Variants in CALCR observed in about 807,000 individuals in gnomAD.
CALCR encodes calcitonin receptor.
In CALCR, 47 loss-of-function variants were observed where a neutral mutation model predicts 59.5. The ratio of observed to expected loss-of-function variants is 0.79; its 90% CI spans 0.63 to 1.01. The LOEUF (loss-of-function observed/expected upper bound fraction) is 1.01, where lower values mean the gene tolerates loss of function less well. Ranked by LOEUF, CALCR falls within the 50% of genes least tolerant of loss-of-function variation. The pLI is 0.00. For missense variants in CALCR, 566 were observed against 597.1 expected (o/e 0.95, Z 0.54); for synonymous variants, 213 against 211.3 (o/e 1.01, Z -0.07).
chr7:93,518,594 A>G (rs957609706), intron 2 of CALCR, among the ~76,000 whole-genome samples: 3 of 151,902 alleles, frequency 2.0e-5, no homozygotes, highest in African/African-American at 7.2e-5. Flanking sequence ...TTGAAGGGCA[A>G]TATCTACAAA....
intron 2 of CALCR, among the ~76,000 whole-genome samples, chr7:93,522,166 T>C (rs537040233): frequency 6.6e-6 from 1 of 152,298 alleles, no homozygotes; most frequent in East Asian, 1.9e-4. Context: ...AAGCCATTTT[T>C]AAGTTTATCA....
intron 2 of CALCR, among the ~76,000 whole-genome samples, chr7:93,540,331 T>C (rs1789099244): frequency 6.6e-6 from 1 of 152,180 alleles, no homozygotes; most frequent in African/African-American, 2.4e-5. Context: ...ATACAGTCAC[T>C]CTGTTTTTGG....
chr7:93,500,170 T>C (rs1801292523), intron 2 of CALCR, among the ~76,000 whole-genome samples: 1 of 151,936 alleles, frequency 6.6e-6, no homozygotes, highest in African/African-American at 2.4e-5. Context: ...GTTCATGTTC[T>C]AAATTACTAA....
chr7:93,501,455 A>G (rs1801320051), intron 2 of CALCR, among the ~76,000 whole-genome samples: 1 of 152,128 alleles, frequency 6.6e-6, no homozygotes, highest in Non-Finnish European at 1.5e-5. Context: ...ACATAAAACA[A>G]GGTTTAATCA....
chr7:93,533,172 G>A (rs1455195161), intron 2 of CALCR, among the ~76,000 whole-genome samples: 3 of 151,890 alleles, frequency 2.0e-5, no homozygotes, highest in Non-Finnish European at 2.9e-5. Context: ...TGTAATAATG[G>A]TTTCGTTATA....
intron 9 of CALCR, among the ~76,000 whole-genome samples, chr7:93,443,342 T>C (rs1338336655): frequency 1.3e-5 from 2 of 152,124 alleles, no homozygotes; most frequent in African/African-American, 4.8e-5. Context: ...CATCATTAGC[T>C]AGGTTTGTTT....
chr7:93,432,639 C>T (rs1238165754), intron 13 of CALCR, among the ~76,000 whole-genome samples: 2 of 152,216 alleles, frequency 1.3e-5, no homozygotes, highest in African/African-American at 4.8e-5. Context: ...CTATGTCTGA[C>T]ACTTCCAATG....
chr7:93,558,576 T>C (rs1030025562), intron 2 of CALCR, among the ~76,000 whole-genome samples: 8 of 152,150 alleles, frequency 5.3e-5, no homozygotes, highest in Non-Finnish European at 1.2e-4. Flanking sequence ...TTCTTGATAG[T>C]CTTTTAAATA....
rs367928163 is a variant in CALCR, at chr7:93,476,058, G to C, written c.316+1500C>G. Among the ~76,000 whole-genome samples, 86 of 151,838 alleles carry C rather than the reference G, an allele frequency of 5.7e-4. 3 individuals carry two copies. In the South Asian group the frequency reaches 0.017, roughly 30 times the overall value. On this transcript the variant is annotated intron_variant, in intron 5 of 13. Transcript: ENST00000426151. ...TTCTATTGATCTGGACAGGGGTCAG[G>C]CATCTGCATTTTTCATAAGCTCACA... is the stretch of plus-strand genomic sequence containing the variant.
intron 2 of CALCR, among the ~76,000 whole-genome samples, chr7:93,541,965 T>C (rs529130221): frequency 9.9e-5 from 15 of 152,134 alleles, no homozygotes; most frequent in Non-Finnish European, 1.9e-4. Flanking sequence ...AAACACAGTA[T>C]GGCTGATTAC....
chr7:93,496,798 T>C (rs965265450), intron 2 of CALCR, among the ~76,000 whole-genome samples: 4 of 151,624 alleles, frequency 2.6e-5, no homozygotes, highest in African/African-American at 7.3e-5. Flanking sequence ...CATTTCTTTC[T>C]AGACAATTCT....
At chr7:93,493,079 C>T (rs1801120214) in intron 2 of CALCR, among the ~76,000 whole-genome samples, 1 of 151,266 alleles carries the variant, frequency 6.6e-6, no homozygotes, top group African/African-American at 2.4e-5. Flanking sequence ...TTTTCATCTA[C>T]ATAAATACAC....
At chr7:93,524,319 G>A (rs1413151764) in intron 2 of CALCR, among the ~76,000 whole-genome samples, 4 of 151,676 alleles carry the variant, frequency 2.6e-5, no homozygotes, top group African/African-American at 7.3e-5. Context: ...ACAGGCGCCT[G>A]CCACCACGCC....
chr7:93,438,344 G>A (rs1279629107), intron 9 of CALCR, 74 bp from the exon 10 acceptor site: 1 of 1,104,316 alleles, frequency 9.1e-7, no homozygotes, highest in Non-Finnish European at 1.4e-6. Flanking sequence ...ATGGACAATG[G>A]TAGTGTACTT....
rs1789324482 is a variant in CALCR at position 93,547,592 on chromosome 7, A to G, written c.-27+26697T>C. Among the ~76,000 whole-genome samples the G allele has an allele frequency of 2.0e-5, 3 of 152,290 alleles. No individual in the cohort carries two copies. In the South Asian group the frequency reaches 6.2e-4, roughly 32 times the overall value. ...CTGTTTTATGGACAGGAAAGCAGAG[A>G]TATGGGTGATCTACTAGAAGTCCAC... On this transcript the variant is annotated intron_variant, in intron 2 of 13. Coordinates refer to ENST00000426151, the MANE Select transcript of CALCR (RefSeq NM_001742.4).
At chr7:93,474,121 C>T (rs538588575) in intron 5 of CALCR, among the ~76,000 whole-genome samples, 3 of 151,710 alleles carry the variant, frequency 2.0e-5, no homozygotes, top group Non-Finnish European at 3.0e-5. Flanking sequence ...AAGAAAACTT[C>T]TTTGTTCTGT....
At chr7:93,452,190 A>G (rs1202066168) in intron 8 of CALCR, among the ~76,000 whole-genome samples, 3 of 152,032 alleles carry the variant, frequency 2.0e-5, no homozygotes, top group African/African-American at 7.2e-5. Flanking sequence ...ATGCTGATGC[A>G]GACCACATCT....
chr7:93,553,480 C>T (rs919602102), intron 2 of CALCR, among the ~76,000 whole-genome samples: 4 of 148,964 alleles, frequency 2.7e-5, no homozygotes, highest in African/African-American at 7.5e-5. Flanking sequence ...TGAAAACTTA[C>T]CCTTTTTTTT....
At chr7:93,469,095 A>G (rs2115842924) in intron 6 of CALCR, among the ~76,000 whole-genome samples, 1 of 151,942 alleles carries the variant, frequency 6.6e-6, no homozygotes. Context: ...ATCATCCCTA[A>G]GCCCAGTAAG....
Sources: gnomAD v4.1 joint callset for allele counts (sites outside exome capture counted in the v4.1 genomes callset) on GRCh38, gnomAD v4.1.1 for gene constraint, MANE v1.5 for transcripts, NCBI Gene and HGNC (gene_info 2026-07-23, HGNC 2026-07-21) for gene names.